EPHA2: variants seen among roughly 807,000 people sequenced by gnomAD.
EPHA2 encodes the protein EPH receptor A2, also known as ephrin type-A receptor 2.
In EPHA2, 54 loss-of-function variants were observed where a neutral mutation model predicts 104.9. The observed-to-expected ratio is 0.51, with a 90% CI of 0.41 to 0.65. The LOEUF (loss-of-function observed/expected upper bound fraction) is 0.65. Among genes scored for constraint, EPHA2 ranks in the 30% least tolerant of loss-of-function variants. The pLI, the probability that EPHA2 is intolerant of heterozygous loss-of-function variation, is 0.00. For missense variants in EPHA2, 1,117 were observed against 1,369.5 expected (o/e 0.82, Z 2.91); for synonymous variants, 560 against 559.1 (o/e 1.00, Z -0.02).
In EPHA2 at chr1:16,151,027, A is replaced by G. The variant is rs1569612098; in HGVS notation, c.86-64T>C. ...TCTTCAGGAGTCAGACCATGGCAGG[A>G]AAGGTGAGGATCCCTCCAGGAACCC... On this transcript the variant is annotated intron_variant, in intron 1 of 16. Transcript: ENST00000358432. 1.2e-5 allele frequency: 18 copies of G among 1,550,372 alleles called. No individual in the cohort carries two copies. In the East Asian group the frequency reaches 4.0e-4, roughly 35 times the overall value.
chr1:16,133,086 T>C (rs921088873), intron 11 of EPHA2, 94 bp downstream of exon 11: 7 of 1,534,090 alleles, frequency 4.6e-6, no homozygotes, highest in Non-Finnish European at 6.2e-6. Context: ...GGGGGGAAGG[T>C]GGGCACAGGT....
At chr1:16,136,763 A>AGAAGAAGAAGAAGAAGAAGAG in intron 5 of EPHA2, among the ~76,000 whole-genome samples, 2 of 148,988 alleles carry the variant, frequency 1.3e-5, no homozygotes, top group Middle Eastern at 3.4e-3. Context: ...AAGAAGAAGA[A>AGAAGAAGAAGAAGAAGAAGAG]GAAGAAGAAG....
chr1:16,130,827 G>A lies in EPHA2; in HGVS notation c.2476-408C>T, dbSNP rs1441394707. Among the ~76,000 whole-genome samples, 2 of 152,082 alleles carry A rather than the reference G, an allele frequency of 1.3e-5. No individual in the cohort carries two copies. Among genetic ancestry groups the A allele is most frequent in the East Asian group, 3.9e-4 (2 of 5,156 alleles). The stretch of plus-strand genomic sequence containing the variant: ...TAATTTTTTGTAGAGATGGGGTTTC[G>A]TCATGTTGTCCAGGCTGGTCTCGAA... On this transcript the variant is annotated intron_variant, in intron 14 of 16. Transcript: ENST00000358432. This position sits in a 1 kb window ranked among gnomAD's most constrained non-coding sequence, Gnocchi z 4.5.
In EPHA2 at chr1:16,148,595, G is replaced by C. The variant is rs201175373; in HGVS notation, c.606C>G (p.Pro202=). ...LSVRVYYKKC[P]ELLQGLAHFP... is the part of the protein sequence containing the mutation. ...AGTGGGCCAGGCCCTGCAGCAGCTC[G>C]GGGCACTTCTTGTAGTAGACACGGA... is the stretch of plus-strand genomic sequence containing the variant. The change falls in exon 3 of 17, where the codon CCC becomes CCG. Residue 202 remains proline, a synonymous_variant. Transcript: ENST00000358432. This position sits in a 1 kb window ranked among gnomAD's most constrained non-coding sequence, Gnocchi z 4.9. 2 of 1,610,220 alleles carry C rather than the reference G, an allele frequency of 1.2e-6. No individual in the cohort carries two copies. The highest frequency in any genetic ancestry group is 1.7e-6 in the Non-Finnish European group (2 of 1,179,974).
chr1:16,132,516 G>T, intron 11 of EPHA2, 77 bp from the exon 12 acceptor site: 1 of 1,528,170 alleles, frequency 6.5e-7, no homozygotes, highest in Non-Finnish European at 9.1e-7. Flanking sequence ...ATGGGGGAAG[G>T]TGGGCACAGG....
chr1:16,155,318 T>TC (rs2025133768), intron 1 of EPHA2: 1 of 152,540 alleles, frequency 6.6e-6, no homozygotes, highest in Non-Finnish European at 1.5e-5. Flanking sequence ...CTCCACGCTC[T>TC]CCCCCGGGAC....
rs565144074 is a variant in EPHA2, at chr1:16,155,740, G to T, written c.85+108C>A. The T allele has an allele frequency of 1.9e-3, 1,757 of 903,710 alleles. 7 individuals are homozygous for T. Among genetic ancestry groups the T allele is most frequent in the Non-Finnish European group, 2.5e-3 (1,675 of 660,774 alleles). The allele number at this position is 903,710 out of a possible 1,614,324, so 56.0% of individuals were successfully genotyped here. On this transcript the variant is annotated intron_variant, in intron 1 of 16. Transcript: ENST00000358432. ...CGCCCTCCGGACTCCAGTTCGCCGG[G>T]ACTGGGCGACACCAGGTAGGTTCCA...
At chr1:16,136,444 AC>A (rs1432994839) in intron 5 of EPHA2, among the ~76,000 whole-genome samples, 28 of 150,914 alleles carry the variant, frequency 1.9e-4, no homozygotes, top group Non-Finnish European at 3.5e-4. Flanking sequence ...ACATGGAGAA[AC>A]CCCGTCTCTA....
chr1:16,125,557 A>G lies in EPHA2; in HGVS notation c.2826-237T>C, dbSNP rs2024451012. Among the ~76,000 whole-genome samples, 1 of 152,150 alleles carries G rather than the reference A, an allele frequency of 6.6e-6. No individual in the cohort carries two copies. The highest frequency in any genetic ancestry group is 2.4e-5 in the African/African-American group (1 of 41,422). ...GTGGCCCACCATCAACAAAGTTAGGAAAACGACAGAAGCCTCAACTCTGTA... is the reference window on the plus strand; with the variant it reads ...GTGGCCCACCATCAACAAAGTTAGGGAAACGACAGAAGCCTCAACTCTGTA... On this transcript the variant is annotated intron_variant, in intron 16 of 16. Transcript: ENST00000358432. This position sits in a 1 kb window ranked among gnomAD's most constrained non-coding sequence, Gnocchi z 4.9.
chr1:16,137,802 G>A (rs778765072), intron 5 of EPHA2, 51 bp downstream of exon 5: 1 of 1,607,984 alleles, frequency 6.2e-7, no homozygotes. Flanking sequence ...TCCTCCTTAA[G>A]CCCCACCTGG....
chr1:16,147,494 G>T (rs142897903), intron 3 of EPHA2, among the ~76,000 whole-genome samples: 1 of 152,028 alleles, frequency 6.6e-6, no homozygotes, highest in African/African-American at 2.4e-5. Flanking sequence ...TCTTGCCTAA[G>T]GCCACATAGT....
chr1:16,133,307 C>A lies in EPHA2; in HGVS notation c.1926G>T (p.Pro642=), dbSNP rs759675163. The A allele has an allele frequency of 1.2e-6, 2 of 1,613,860 alleles. No individual in the cohort carries two copies. Among genetic ancestry groups the A allele is most frequent in the Non-Finnish European group, 1.7e-6 (2 of 1,179,950 alleles). Residue 642 remains proline (P), a synonymous_variant, in exon 11 of 17, where the codon CCG becomes CCT. Transcript: ENST00000358432. The part of the protein sequence containing the change: ...LKTSSGKKEV[P]VAIKTLKAGY... ...CGGCTTTCAGCGTCTTGATGGCCACCGGCACCTCCTTCTTCCCCGAGGATG... is the reference window on the plus strand; with the variant it reads ...CGGCTTTCAGCGTCTTGATGGCCACAGGCACCTCCTTCTTCCCCGAGGATG...
chr1:16,137,758 C>A lies in EPHA2; in HGVS notation c.1312+95G>T, dbSNP rs147247998. On this transcript the variant is annotated intron_variant, in intron 5 of 16. Coordinates refer to ENST00000358432, the MANE Select transcript of EPHA2 (RefSeq NM_004431.5). ...TGCCTTTAACCACTTGCTCTGCTGC[C>A]TCTCTCTAAACACACCCGAGCCCCA... 13 of 1,468,096 alleles carry A rather than the reference C, an allele frequency of 8.9e-6. No individual in the cohort carries two copies. In the South Asian group the frequency reaches 1.4e-4, roughly 16 times the overall value. The allele number at this position is 1,468,096 out of a possible 1,614,324, so 90.9% of individuals were successfully genotyped here. A position where few individuals can be genotyped will look rare whatever the true frequency, so the allele number is the denominator to read the frequency against.
intron 3 of EPHA2, among the ~76,000 whole-genome samples, chr1:16,146,614 C>T (rs1017585635): frequency 1.3e-5 from 2 of 152,202 alleles, no homozygotes; most frequent in African/African-American, 2.4e-5. Context: ...AAGGGGGGCT[C>T]GCTCAGCAGA....
Position 16,148,375 on chromosome 1 carries a change from C to A in EPHA2, c.823+3G>T. The A allele has an allele frequency of 6.2e-7, 1 of 1,613,588 alleles. No homozygotes were observed. The highest frequency in any genetic ancestry group is 1.1e-5 in the South Asian group (1 of 91,070). ...TTCCCTGCAACCCAGAACCGTCACTCACCCTGGCAGGCATCCTCCACCTTC... is the reference window on the plus strand; with the variant it reads ...TTCCCTGCAACCCAGAACCGTCACTAACCCTGGCAGGCATCCTCCACCTTC... On this transcript the variant is annotated splice_donor_region_variant and intron_variant, in intron 3 of 16. Coordinates refer to ENST00000358432, the MANE Select transcript of EPHA2 (RefSeq NM_004431.5). This position sits in a 1 kb window ranked among gnomAD's most constrained non-coding sequence, Gnocchi z 4.9.
chr1:16,133,111 C>A, intron 11 of EPHA2, 69 bp downstream of exon 11: 1 of 1,597,870 alleles, frequency 6.3e-7, no homozygotes, highest in Non-Finnish European at 8.5e-7. Context: ...GGGAGGTGGG[C>A]ACAGTCACAG....
Position 16,155,912 on chromosome 1 carries a change from G to A in EPHA2, c.21C>T (p.Arg7=), listed in dbSNP as rs1443201679. MELQAA[R]ACFALLWGCA... is the part of the protein sequence containing the mutation. ...AGCCCCACAGCAGGGCGAAGCAGGC[G>A]CGGGCTGCCTGGAGCTCCATGCCGC... Residue 7 remains arginine (R), a synonymous_variant, in exon 1 of 17, where the codon CGC becomes CGT. Coordinates refer to ENST00000358432, the MANE Select transcript of EPHA2 (RefSeq NM_004431.5). 9 of 1,488,882 alleles carry A rather than the reference G, an allele frequency of 6.0e-6. No individual in the cohort carries two copies. Among genetic ancestry groups the A allele is most frequent in the South Asian group, 1.3e-5 (1 of 79,036 alleles). The allele number at this position is 1,488,882 out of a possible 1,614,324, so 92.2% of individuals were successfully genotyped here.
At position 16,143,820 on chromosome 1, in the gene EPHA2, G is replaced by A. The variant is rs962345183; in HGVS notation, c.823+4558C>T. Reference sequence around the variant, plus strand: ...ACTTTGTCTCTGGGCCCTGACAGACGGCAAATGGCGACCTATGGGTTACTG... The same window carrying A: ...ACTTTGTCTCTGGGCCCTGACAGACAGCAAATGGCGACCTATGGGTTACTG... On this transcript the variant is annotated intron_variant, in intron 3 of 16. Transcript: ENST00000358432. Among the ~76,000 whole-genome samples the A allele has an allele frequency of 2.6e-4, 39 of 152,298 alleles. 1 individual carries two copies. The highest frequency in any genetic ancestry group is 6.8e-3 in the Middle Eastern group (2 of 294).
At position 16,148,059 on chromosome 1, in the gene EPHA2, A is replaced by G. The variant is rs368021581; in HGVS notation, c.823+319T>C. On this transcript the variant is annotated intron_variant, in intron 3 of 16. Transcript: ENST00000358432. This position sits in a 1 kb window ranked among gnomAD's most constrained non-coding sequence, Gnocchi z 4.9. ...CCCAGCTAATTTTTGTGTTTTTGGTAGAGACGGCGTTTCATTATGTTGCCC... is the reference window on the plus strand; with the variant it reads ...CCCAGCTAATTTTTGTGTTTTTGGTGGAGACGGCGTTTCATTATGTTGCCC... Among the ~76,000 whole-genome samples the G allele has an allele frequency of 1.2e-4, 19 of 152,122 alleles. No homozygotes were observed. In the East Asian group the frequency reaches 3.5e-3, roughly 28 times the overall value.
Sources: allele counts gnomAD v4.1 joint callset (sites outside exome capture counted in the v4.1 genomes callset), GRCh38; gene constraint gnomAD v4.1.1; non-coding constraint Gnocchi (gnomAD v3.1); transcripts MANE v1.5; gene names NCBI Gene and HGNC (gene_info 2026-07-23, HGNC 2026-07-21).